Variants in MAP3K5 observed in about 807,000 individuals in gnomAD.
MAP3K5 encodes mitogen-activated protein kinase kinase kinase 5.
In MAP3K5, 56 loss-of-function variants were observed where a neutral mutation model predicts 158.7. The ratio of observed to expected loss-of-function variants is 0.35; its 90% CI spans 0.28 to 0.44. MAP3K5 has a LOEUF of 0.44. MAP3K5 is among the 20% of genes least tolerant of loss of function. The pLI, the probability that MAP3K5 is intolerant of heterozygous loss-of-function variation, is 1.00. For missense variants in MAP3K5, 1,294 were observed against 1,674.8 expected (o/e 0.77, Z 3.97); for synonymous variants, 579 against 601.7 (o/e 0.96, Z 0.55).
At chr6:136,646,415 A>G (rs986732284) in intron 11 of MAP3K5, among the ~76,000 whole-genome samples, 2 of 152,234 alleles carry the variant, frequency 1.3e-5, no homozygotes, top group Non-Finnish European at 2.9e-5. Flanking sequence ...AACGAGGCTC[A>G]CTTTACTGAG....
rs1022280354 is a variant in MAP3K5, at chr6:136,605,745, T to C, written c.2522-379A>G. On this transcript the variant is annotated intron_variant, in intron 18 of 29. Coordinates refer to ENST00000359015, the MANE Select transcript of MAP3K5 (RefSeq NM_005923.4). Reference sequence around the variant, plus strand: ...TTGAAGTGCATGAAGACTGTTATTATGTAAACTTCTAATCTTTTCCAGAAG... The same window carrying C: ...TTGAAGTGCATGAAGACTGTTATTACGTAAACTTCTAATCTTTTCCAGAAG... Among the ~76,000 whole-genome samples the C allele has an allele frequency of 2.6e-4, 39 of 152,256 alleles. 1 individual carries two copies. The highest frequency in any genetic ancestry group is 8.7e-4 in the African/African-American group (36 of 41,470).
At chr6:136,726,806 G>T (rs1400280997) in intron 1 of MAP3K5, among the ~76,000 whole-genome samples, 1 of 152,030 alleles carries the variant, frequency 6.6e-6, no homozygotes. Flanking sequence ...AATAATTTTT[G>T]TAGATTGATC....
chr6:136,639,296 TAA>T (rs1374246146), intron 13 of MAP3K5, among the ~76,000 whole-genome samples: 1 of 152,140 alleles, frequency 6.6e-6, no homozygotes, highest in African/African-American at 2.4e-5. Flanking sequence ...AATTAACCAA[TAA>T]GTCTTAGTTA....
At chr6:136,691,094 T>A (rs1434688303) in intron 7 of MAP3K5, among the ~76,000 whole-genome samples, 2 of 152,192 alleles carry the variant, frequency 1.3e-5, no homozygotes, top group Non-Finnish European at 1.5e-5. Context: ...TATGACCTTT[T>A]CTTGTATTTC....
intron 7 of MAP3K5, among the ~76,000 whole-genome samples, chr6:136,683,498 G>A (rs73558238): frequency 0.067 from 10,238 of 152,174 alleles, 593 homozygotes; most frequent in African/African-American, 0.16. Flanking sequence ...TCAGCTGCTG[G>A]TTCAACCTGC....
chr6:136,642,163 T>C (rs1422539657), intron 12 of MAP3K5, among the ~76,000 whole-genome samples: 1 of 152,094 alleles, frequency 6.6e-6, no homozygotes, highest in Non-Finnish European at 1.5e-5. Flanking sequence ...GCTGAGTTCC[T>C]TGTATACCAA....
intron 10 of MAP3K5, among the ~76,000 whole-genome samples, chr6:136,652,431 C>T (rs1445888963): frequency 2.0e-5 from 3 of 152,042 alleles, no homozygotes; most frequent in African/African-American, 7.2e-5. Flanking sequence ...ACAAACTCAC[C>T]CAGTGAATCA....
chr6:136,569,938 G>A (rs1434843261), intron 25 of MAP3K5, among the ~76,000 whole-genome samples: 1 of 152,112 alleles, frequency 6.6e-6, no homozygotes, highest in East Asian at 1.9e-4. Flanking sequence ...ATATGCTTCG[G>A]CACATAGAAC....
In MAP3K5 at chr6:136,561,534, C is replaced by T. The variant is rs758011218; in HGVS notation, c.3986G>A (p.Arg1329Gln). 1.1e-5 allele frequency: 18 copies of T among 1,605,140 alleles called. No individual in the cohort carries two copies. The highest frequency in any genetic ancestry group is 9.4e-5 in the African/African-American group (7 of 74,754). The change falls in exon 28 of 30, where the codon CGG (arginine) becomes CAG (glutamine). Residue 1329 changes from arginine to glutamine, a missense_variant and splice_region_variant. Arg to Gln is a conservative substitution (Grantham distance 43). This residue lies in a region of MAP3K5 where 199 missense variants were observed against 220.3 expected (regional missense o/e 0.90). Coordinates refer to ENST00000359015, the MANE Select transcript of MAP3K5 (RefSeq NM_005923.4). ...TGTCCCACAGACAGTTTTCTTTACC[C>T]GGCTTATAGTGTCTTCATCAGCTCC... The part of the protein sequence containing the change: ...VNGADEDTIS[R>Q]FLAEDYTLLD...
chr6:136,617,996 C>T (rs544775399), intron 15 of MAP3K5, among the ~76,000 whole-genome samples: 56 of 152,160 alleles, frequency 3.7e-4, no homozygotes, highest in African/African-American at 1.3e-3. Flanking sequence ...AGAAAGCCAA[C>T]CTGAGATTAA....
At chr6:136,748,065 C>G (rs775275734) in intron 1 of MAP3K5, among the ~76,000 whole-genome samples, 57 of 152,094 alleles carry the variant, frequency 3.7e-4, no homozygotes, top group Non-Finnish European at 6.8e-4. Flanking sequence ...CATTTTCTGC[C>G]CCAAAGTGAG....
At chr6:136,784,087 C>T (rs776155606) in intron 1 of MAP3K5, among the ~76,000 whole-genome samples, 1 of 152,186 alleles carries the variant, frequency 6.6e-6, no homozygotes, top group Non-Finnish European at 1.5e-5. Flanking sequence ...GCCAAGGCCA[C>T]GGGTGAGACA....
intron 14 of MAP3K5, among the ~76,000 whole-genome samples, chr6:136,630,005 C>A (rs1777263899): frequency 6.6e-6 from 1 of 151,904 alleles, no homozygotes; most frequent in Admixed American, 6.6e-5. Context: ...AACTCCTCTG[C>A]CTCCCAAAGT....
At chr6:136,717,034 T>C (rs545717882) in intron 2 of MAP3K5, among the ~76,000 whole-genome samples, 15 of 151,920 alleles carry the variant, frequency 9.9e-5, no homozygotes, top group African/African-American at 2.4e-4. Flanking sequence ...GGCACGTGCC[T>C]ATAATCCCAG....
At chr6:136,575,622 C>T (rs1404671713) in intron 25 of MAP3K5, among the ~76,000 whole-genome samples, 1 of 152,166 alleles carries the variant, frequency 6.6e-6, no homozygotes, top group East Asian at 1.9e-4. Flanking sequence ...TTTCTCACGA[C>T]CTTCACCCTT....
intron 1 of MAP3K5, among the ~76,000 whole-genome samples, chr6:136,738,394 A>AGG (rs1782565684): frequency 3.9e-5 from 6 of 152,138 alleles, no homozygotes; most frequent in African/African-American, 1.4e-4. Flanking sequence ...GTTTTAACAG[A>AGG]AATACCCGGC....
intron 7 of MAP3K5, among the ~76,000 whole-genome samples, chr6:136,687,685 T>C (rs1435372945): frequency 6.6e-6 from 1 of 152,192 alleles, no homozygotes; most frequent in Non-Finnish European, 1.5e-5. Context: ...TCATTATCAC[T>C]GGTCATTACA....
chr6:136,643,314 C>T (rs1450353611), intron 11 of MAP3K5, among the ~76,000 whole-genome samples: 1 of 150,240 alleles, frequency 6.7e-6, no homozygotes, highest in Non-Finnish European at 1.5e-5. Flanking sequence ...ATCATAATCC[C>T]TTTAAAAATA....
chr6:136,767,922 G>A (rs1460301407), intron 1 of MAP3K5, among the ~76,000 whole-genome samples: 3 of 152,276 alleles, frequency 2.0e-5, no homozygotes, highest in South Asian at 4.1e-4. Context: ...AGGGTGATAC[G>A]AAAATCCAAT....
Sources: allele counts gnomAD v4.1 joint callset (sites outside exome capture counted in the v4.1 genomes callset), GRCh38; gene constraint gnomAD v4.1.1; regional missense constraint gnomAD v4.1.1; transcripts MANE v1.5; gene names NCBI Gene and HGNC (gene_info 2026-07-23, HGNC 2026-07-21).